The following OR2L13 variants were observed in gnomAD, a reference collection of about 807,000 sequenced individuals.
OR2L13 encodes the protein olfactory receptor 2L13.
A neutral mutation model predicts 15.3 loss-of-function variants in OR2L13; 14 were observed. That is an observed-to-expected ratio of 0.91 (90% confidence interval 0.60 to 1.43). The LOEUF is 1.43. Ranked by LOEUF, OR2L13 falls within the 40% of genes most tolerant of loss-of-function variation. The pLI is 0.00. For synonymous variants in OR2L13, 152 were observed against 142.9 expected (o/e 1.06, Z -0.45); for missense variants, 367 against 387.9 (o/e 0.95, Z 0.45).
At chr1:247,955,596 C>T in the OR2L13 span, among the ~76,000 whole-genome samples, 1 of 150,790 alleles carries the variant, frequency 6.6e-6, no homozygotes, top group Non-Finnish European at 1.5e-5. Flanking sequence ...TTCTCCACAT[C>T]CTCTCCAGCA....
chr1:248,060,763 A>G, the OR2L13 span: 17 of 1,613,840 alleles, frequency 1.1e-5, no homozygotes, highest in African/African-American at 1.1e-4. Flanking sequence ...TTTCCTCTTC[A>G]TCCTCATTGT....
the OR2L13 span, chr1:247,966,412 GA>G: frequency 2.1e-5 from 29 of 1,413,916 alleles, no homozygotes; most frequent in Non-Finnish European, 2.7e-5. Flanking sequence ...TTTCTGTATA[GA>G]AGTCACAAAA....
chr1:247,946,558 A>G, the OR2L13 span, among the ~76,000 whole-genome samples: 1 of 152,216 alleles, frequency 6.6e-6, no homozygotes, highest in African/African-American at 2.4e-5. Context: ...TAGAAACATA[A>G]CAAACTCTTG....
chr1:248,079,555 C>A, the OR2L13 span, among the ~76,000 whole-genome samples: 1 of 152,016 alleles, frequency 6.6e-6, no homozygotes, highest in African/African-American at 2.4e-5. Flanking sequence ...AATATCAAAA[C>A]GTTTTATAAG....
the OR2L13 span, among the ~76,000 whole-genome samples, chr1:247,995,565 T>C: frequency 6.6e-6 from 1 of 152,236 alleles, no homozygotes; most frequent in African/African-American, 2.4e-5. Context: ...TAGAGCATAA[T>C]TAGTGGAATA....
At chr1:248,099,541 A>C in exon 3 of OR2L13, 1 of 1,614,074 alleles carries the variant, frequency 6.2e-7, no homozygotes, top group Non-Finnish European at 8.5e-7. Flanking sequence ...TCGTCTCCAC[A>C]CACCGATGTA....
chr1:247,939,923 T>A, the OR2L13 span, among the ~76,000 whole-genome samples: 1 of 152,162 alleles, frequency 6.6e-6, no homozygotes, highest in Admixed American at 6.5e-5. Flanking sequence ...TATATAAGAA[T>A]TACATTTGAA....
chr1:247,946,110 A>G, the OR2L13 span, among the ~76,000 whole-genome samples: 1 of 151,882 alleles, frequency 6.6e-6, no homozygotes, highest in East Asian at 1.9e-4. Context: ...TTTCTTTTTG[A>G]TACTATTGTT....
At chr1:248,025,241 C>T in the OR2L13 span, among the ~76,000 whole-genome samples, 81 of 147,198 alleles carry the variant, frequency 5.5e-4, 1 homozygote, top group Middle Eastern at 3.4e-3. Flanking sequence ...TGAACTCAAA[C>T]AAATTTACAA....
chr1:247,950,027 T>C, the OR2L13 span, among the ~76,000 whole-genome samples: 1 of 83,260 alleles, frequency 1.2e-5, no homozygotes, highest in African/African-American at 4.7e-5. Context: ...TTTGCTAATA[T>C]GTTGTCAATA....
upstream of OR2L13, among the ~76,000 whole-genome samples, chr1:248,094,778 G>A (rs1006785508): frequency 6.6e-6 from 1 of 152,200 alleles, no homozygotes; most frequent in African/African-American, 2.4e-5. Context: ...TCACTAAAGA[G>A]TGGACAGGAA....
At chr1:248,060,219 A>G in the OR2L13 span, among the ~76,000 whole-genome samples, 1 of 152,180 alleles carries the variant, frequency 6.6e-6, no homozygotes, top group African/African-American at 2.4e-5. Context: ...ACATTATTCT[A>G]TTGAAGTTGT....
chr1:247,955,774 T>A, the OR2L13 span, among the ~76,000 whole-genome samples: 6 of 152,078 alleles, frequency 3.9e-5, no homozygotes, highest in Admixed American at 3.9e-4. Context: ...ATTCTTCGCC[T>A]GCTTTTTGAT....
At chr1:247,971,508 T>C in the OR2L13 span, among the ~76,000 whole-genome samples, 3 of 152,356 alleles carry the variant, frequency 2.0e-5, no homozygotes, top group South Asian at 6.2e-4. Context: ...ATGTCATCAA[T>C]ATTCTGCTTC....
the OR2L13 span, among the ~76,000 whole-genome samples, chr1:248,007,046 G>C: frequency 2.6e-5 from 4 of 152,134 alleles, no homozygotes; most frequent in African/African-American, 9.7e-5. Flanking sequence ...GAAATAAGCA[G>C]TGGTGCTCAG....
At chr1:248,072,975 G>A in the OR2L13 span, among the ~76,000 whole-genome samples, 679 of 147,272 alleles carry the variant, frequency 4.6e-3, 4 homozygotes, top group Admixed American at 0.013. Flanking sequence ...GTCAGGAAAC[G>A]ACAGGTGCTG....
the OR2L13 span, among the ~76,000 whole-genome samples, chr1:247,984,980 C>A: frequency 2.0e-5 from 3 of 152,138 alleles, no homozygotes; most frequent in Non-Finnish European, 4.4e-5. Flanking sequence ...TGAATTCATA[C>A]AATATTTGCC....
chr1:248,048,950 C>T, the OR2L13 span, among the ~76,000 whole-genome samples: 3 of 149,110 alleles, frequency 2.0e-5, no homozygotes, highest in East Asian at 2.0e-4. Flanking sequence ...TAAATCCACA[C>T]GTTTTCTGCA....
the OR2L13 span, among the ~76,000 whole-genome samples, chr1:248,009,658 C>T: frequency 6.6e-6 from 1 of 151,730 alleles, no homozygotes; most frequent in East Asian, 1.9e-4. Context: ...AGGGACCCCT[C>T]CCTTTTATGA....
Sources: allele counts gnomAD v4.1 joint callset (sites outside exome capture counted in the v4.1 genomes callset), GRCh38; gene constraint gnomAD v4.1.1; transcripts MANE v1.5; gene names NCBI Gene and HGNC (gene_info 2026-07-23, HGNC 2026-07-21).